COL6A5: variants seen among roughly 807,000 people sequenced by gnomAD.
The protein encoded by COL6A5 is collagen type VI alpha 5 chain.
Under a neutral mutation model 65.6 loss-of-function variants are expected in COL6A5, and 48 were observed. The ratio of observed to expected loss-of-function variants is 0.73; its 90% CI spans 0.58 to 0.93. The LOEUF (loss-of-function observed/expected upper bound fraction) is 0.93. Among genes scored for constraint, COL6A5 ranks in the 40% least tolerant of loss-of-function variants. The probability of loss-of-function intolerance (pLI) is 0.00; values close to 1 mark genes in which losing one functional copy is unlikely to be tolerated. For synonymous variants in COL6A5, 291 were observed against 322.8 expected (o/e 0.90, Z 1.05); for missense variants, 914 against 928.3 (o/e 0.98, Z 0.20).
At chr3:130,422,486 T>A (rs1937535188) in intron 27 of COL6A5, among the ~76,000 whole-genome samples, 1 of 151,954 alleles carries the variant, frequency 6.6e-6, no homozygotes, top group Non-Finnish European at 1.5e-5. Flanking sequence ...GACCACTGAA[T>A]TGAAATGTAT....
chr3:130,424,251 C>G (rs1937564450), intron 29 of COL6A5, among the ~76,000 whole-genome samples: 1 of 151,994 alleles, frequency 6.6e-6, no homozygotes. Context: ...AGTGTTAACT[C>G]CAGGTTGATG....
intron 4 of COL6A5, among the ~76,000 whole-genome samples, chr3:130,449,349 T>C (rs1245098699): frequency 2.6e-5 from 4 of 152,116 alleles, no homozygotes; most frequent in African/African-American, 9.7e-5. Flanking sequence ...ATATGCTGAC[T>C]GGGAGCACTA....
intron 4 of COL6A5, among the ~76,000 whole-genome samples, chr3:130,449,309 A>T (rs572958539): frequency 6.6e-6 from 1 of 152,282 alleles, no homozygotes; most frequent in Admixed American, 6.5e-5. Context: ...ACTGAGACCG[A>T]GTCCAGGAAC....
intron 17 of COL6A5, among the ~76,000 whole-genome samples, chr3:130,408,158 C>T (rs1027922780): frequency 3.3e-5 from 5 of 151,898 alleles, no homozygotes; most frequent in East Asian, 3.9e-4. Flanking sequence ...CCTGCGGGGC[C>T]GGACAGAACA....
At chr3:130,364,734 A>G (rs1935269093) in intron 1 of COL6A5, among the ~76,000 whole-genome samples, 1 of 152,198 alleles carries the variant, frequency 6.6e-6, no homozygotes, top group South Asian at 2.1e-4. Context: ...GGAATTCGAG[A>G]TCTCTCCAGT....
At chr3:130,451,271 G>A (rs187732587) in intron 4 of COL6A5, among the ~76,000 whole-genome samples, 5 of 152,110 alleles carry the variant, frequency 3.3e-5, no homozygotes, top group African/African-American at 1.2e-4. Flanking sequence ...TGAAGAGTAG[G>A]CATCTGAGAT....
intron 6 of COL6A5, among the ~76,000 whole-genome samples, chr3:130,390,196 A>C (rs936398103): frequency 4.6e-5 from 7 of 152,044 alleles, no homozygotes; most frequent in Admixed American, 2.6e-4. Flanking sequence ...GCATTTCTTC[A>C]TTTTGATTAA....
At chr3:130,427,780 G>A (rs1229046043), upstream of COL6A5, among the ~76,000 whole-genome samples, 1 of 151,936 alleles carries the variant, frequency 6.6e-6, no homozygotes, top group African/African-American at 2.4e-5. Flanking sequence ...TGGGGCCAAG[G>A]TACAGAAAAA....
intron 4 of COL6A5, among the ~76,000 whole-genome samples, chr3:130,449,683 A>G (rs1014169990): frequency 6.6e-6 from 1 of 152,148 alleles, no homozygotes; most frequent in Non-Finnish European, 1.5e-5. Context: ...TAGAAATTAC[A>G]TTAATCCAAT....
intron 1 of COL6A5, 50 bp from the exon 34 acceptor site, chr3:130,439,472 A>G (rs1293210114): frequency 8.1e-6 from 11 of 1,366,458 alleles, no homozygotes; most frequent in Non-Finnish European, 1.0e-5. Context: ...GTTTCCTACT[A>G]GTGACTAAAA....
exon 6 of COL6A5, chr3:130,388,946 A>T: frequency 2.6e-6 from 4 of 1,547,352 alleles, no homozygotes; most frequent in Non-Finnish European, 2.6e-6. Flanking sequence ...GCGCAGGATG[A>T]TGTGAGAGAT....
intron 1 of COL6A5, among the ~76,000 whole-genome samples, chr3:130,359,466 GA>G (rs1318698051): frequency 6.6e-6 from 1 of 151,256 alleles, no homozygotes; most frequent in African/African-American, 2.4e-5. Flanking sequence ...CTCACACAAG[GA>G]AAAAAATGTA....
At chr3:130,471,023 A>C in intron 7 of COL6A5, 56 bp downstream of exon 39, 1 of 1,232,080 alleles carries the variant, frequency 8.1e-7, no homozygotes, top group South Asian at 1.3e-5. Flanking sequence ...AGTTCTTAAG[A>C]AAACTGTGAA....
At chr3:130,421,407 A>G (rs1446542752) in intron 27 of COL6A5, 47 bp downstream of exon 27, 16 of 1,524,652 alleles carry the variant, frequency 1.0e-5, no homozygotes, top group Non-Finnish European at 1.1e-5. Flanking sequence ...TTAACCTTCT[A>G]CTTGAGAACT....
At chr3:130,467,993 A>T (rs73868677) in intron 5 of COL6A5, among the ~76,000 whole-genome samples, 1,833 of 152,146 alleles carry the variant, frequency 0.012, 38 homozygotes, top group African/African-American at 0.041. Flanking sequence ...GACAGGCTTC[A>T]TGATCCCTTA....
exon 6 of COL6A5, chr3:130,469,322 A>G (rs1018901026): frequency 2.5e-6 from 4 of 1,612,882 alleles, no homozygotes; most frequent in Admixed American, 3.3e-5. Flanking sequence ...AGGCTACTCC[A>G]TATTTGTGTT....
At chr3:130,395,037 C>A in exon 8 of COL6A5, 1 of 1,551,458 alleles carries the variant, frequency 6.4e-7, no homozygotes, top group Non-Finnish European at 8.7e-7. Flanking sequence ...ATTGGTATGG[C>A]TCAATTTGGA....
exon 6 of COL6A5, chr3:130,389,017 A>G (rs1197980102): frequency 1.3e-6 from 2 of 1,542,308 alleles, no homozygotes; most frequent in African/African-American, 2.8e-5. Flanking sequence ...ATACAATGCC[A>G]ATAGATCTCA....
At chr3:130,439,646 G>A (rs1003150167) in intron 2 of COL6A5, 31 bp downstream of exon 34, 2 of 1,465,398 alleles carry the variant, frequency 1.4e-6, no homozygotes, top group African/African-American at 1.4e-5. Context: ...TGACTGTGCT[G>A]AAGAGCTTAA....
Sources: gnomAD v4.1 joint callset for allele counts (sites outside exome capture counted in the v4.1 genomes callset) on GRCh38, gnomAD v4.1.1 for gene constraint, MANE v1.5 for transcripts, NCBI Gene and HGNC (gene_info 2026-07-23, HGNC 2026-07-21) for gene names.